Variants in EPHA5 observed in about 807,000 individuals in gnomAD.
The protein encoded by EPHA5 is ephrin type-A receptor 5.
A neutral mutation model predicts 105.0 loss-of-function variants in EPHA5; 60 were observed. The ratio of observed to expected loss-of-function variants is 0.57; its 90% CI spans 0.46 to 0.71. The LOEUF is 0.71. Among genes scored for constraint, EPHA5 ranks in the 30% least tolerant of loss-of-function variants. EPHA5 has a pLI of 0.00. For missense variants in EPHA5, 1,218 were observed against 1,274.7 expected (o/e 0.96, Z 0.68); for synonymous variants, 513 against 449.1 (o/e 1.14, Z -1.80).
intron 3 of EPHA5, among the ~76,000 whole-genome samples, chr4:65,591,648 T>C (rs1023675555): frequency 6.6e-6 from 1 of 151,964 alleles, no homozygotes; most frequent in African/African-American, 2.4e-5. Context: ...TCAGAAAAGA[T>C]GAAAAACTGT....
At chr4:65,362,695 T>G (rs1481001673) in intron 11 of EPHA5, among the ~76,000 whole-genome samples, 1 of 151,592 alleles carries the variant, frequency 6.6e-6, no homozygotes, top group Non-Finnish European at 1.5e-5. Flanking sequence ...TCCTAAAAAA[T>G]GCATATACAA....
chr4:65,331,545 A>T, intron 16 of EPHA5: 1 of 1,055,736 alleles, frequency 9.5e-7, no homozygotes, highest in East Asian at 5.3e-5. Context: ...TTACCTTGAT[A>T]TTCATCGTAG....
chr4:65,557,896 T>A (rs539743821), intron 3 of EPHA5, among the ~76,000 whole-genome samples: 1 of 152,004 alleles, frequency 6.6e-6, no homozygotes, highest in African/African-American at 2.4e-5. Context: ...TTTTTTTTTT[T>A]AGACGGAGTC....
intron 2 of EPHA5, among the ~76,000 whole-genome samples, chr4:65,614,064 GA>G (rs1745013967): frequency 6.6e-6 from 1 of 151,854 alleles, no homozygotes; most frequent in African/African-American, 2.4e-5. Flanking sequence ...CAGATTTAGT[GA>G]AGTTGAAACA....
chr4:65,444,263 A>G (rs1382683733), intron 5 of EPHA5, among the ~76,000 whole-genome samples: 1 of 152,202 alleles, frequency 6.6e-6, no homozygotes, highest in African/African-American at 2.4e-5. Flanking sequence ...AAATGAAGAT[A>G]ATATCTATCC....
chr4:65,428,705 A>C (rs1724688535), intron 5 of EPHA5, among the ~76,000 whole-genome samples: 1 of 152,112 alleles, frequency 6.6e-6, no homozygotes, highest in African/African-American at 2.4e-5. Flanking sequence ...TGAAAATCAC[A>C]AAATATTAAA....
At chr4:65,662,514 C>A (rs1268209426) in intron 1 of EPHA5, among the ~76,000 whole-genome samples, 1 of 152,000 alleles carries the variant, frequency 6.6e-6, no homozygotes, top group Non-Finnish European at 1.5e-5. Context: ...TGTGGGGTGT[C>A]CAACACAACA....
chr4:65,591,894 T>G (rs1742699797), intron 3 of EPHA5, among the ~76,000 whole-genome samples: 1 of 152,282 alleles, frequency 6.6e-6, no homozygotes, highest in South Asian at 2.1e-4. Flanking sequence ...TGAGTAAAAC[T>G]TAAATGAAAC....
At chr4:65,603,987 G>T (rs1488760253) in intron 2 of EPHA5, among the ~76,000 whole-genome samples, 1 of 38,320 alleles carries the variant, frequency 2.6e-5, no homozygotes, top group African/African-American at 7.5e-5. Flanking sequence ...AAATAAAATG[G>T]TAAGAATTAT....
chr4:65,417,977 A>C (rs1158010472), intron 6 of EPHA5, among the ~76,000 whole-genome samples: 1 of 152,176 alleles, frequency 6.6e-6, no homozygotes, highest in Non-Finnish European at 1.5e-5. Flanking sequence ...AAGGACAAAA[A>C]AGAAAGCCAG....
intron 3 of EPHA5, among the ~76,000 whole-genome samples, chr4:65,500,546 C>CA (rs11302474): frequency 0.055 from 7,765 of 141,568 alleles, 461 homozygotes; most frequent in African/African-American, 0.15. Context: ...TCAAAATTAC[C>CA]AAAAAAAAAA....
Position 65,404,360 on chromosome 4 carries a change from G to A in EPHA5, c.1793+14C>T, listed in dbSNP as rs765191223. 34 of 1,606,484 alleles carry A rather than the reference G, an allele frequency of 2.1e-5. No individual in the cohort carries two copies. The African/African-American group carries it at 3.6e-4, about 17-fold the overall frequency. ...TCAGCTGCAGAACTTCAGAATCACAGCTTCCTCTCTTACCTTCCACTGAGG... is the reference window on the plus strand; with the variant it reads ...TCAGCTGCAGAACTTCAGAATCACAACTTCCTCTCTTACCTTCCACTGAGG... On this transcript the variant is annotated intron_variant, in intron 8 of 16. Transcript: ENST00000613740.
Position 65,669,579 on chromosome 4 carries a change from GC to G in EPHA5, c.163del (p.Ala55ProfsTer7). On this transcript the variant is annotated frameshift_variant, in exon 1 of 17. Coordinates refer to ENST00000613740, the MANE Select transcript of EPHA5 (RefSeq NM_001281766.3). LOFTEE classifies it high-confidence loss of function. ...LLCAALRTLL[A>X]SPSNEVNLLD... ...CTCCCTACCTTCGTTGCTGGGGCTGGCCAGGAGGGTCCGGAGTGCGGCGCAC... is the reference window on the plus strand; with the variant it reads ...CTCCCTACCTTCGTTGCTGGGGCTGGCAGGAGGGTCCGGAGTGCGGCGCAC... 7.0e-7 allele frequency: 1 copy of G among 1,426,850 alleles called. No homozygotes were observed. Among genetic ancestry groups the G allele is most frequent in the South Asian group, 1.7e-5 (1 of 60,284 alleles). 88.4% of individuals were successfully genotyped at this position (1,426,850 alleles called of 1,614,324 possible).
Position 65,437,460 on chromosome 4 carries a change from A to G in EPHA5, c.1403-16895T>C, listed in dbSNP as rs146375930. Among the ~76,000 whole-genome samples the G allele has an allele frequency of 5.9e-5, 9 of 152,154 alleles. No homozygotes were observed. In the East Asian group the frequency reaches 1.7e-3, roughly 29 times the overall value. On this transcript the variant is annotated intron_variant, in intron 5 of 16. Coordinates refer to ENST00000613740, the MANE Select transcript of EPHA5 (RefSeq NM_001281766.3). ...ATATCAAATTTTAGAATACTTCACA[A>G]ATAGTAATAAAAGACTTTTCACTTT...
chr4:65,540,862 T>A, intron 3 of EPHA5, among the ~76,000 whole-genome samples: 1 of 90,104 alleles, frequency 1.1e-5, no homozygotes. Flanking sequence ...GCAGTCAATT[T>A]TATAAAAAAA....
At chr4:65,363,084 C>T (rs1316736600) in intron 11 of EPHA5, among the ~76,000 whole-genome samples, 1 of 151,452 alleles carries the variant, frequency 6.6e-6, no homozygotes, top group Non-Finnish European at 1.5e-5. Flanking sequence ...AAGTAGTGAA[C>T]ATGAGGGTGT....
rs181003480 is a variant in EPHA5, at chr4:65,336,387, C to T, written c.2596-262G>A. 2.8e-4 allele frequency among the ~76,000 whole-genome samples: 43 copies of T among 151,892 alleles called. No homozygotes were observed. The East Asian group carries it at 7.4e-3, about 26-fold the overall frequency. On this transcript the variant is annotated intron_variant, in intron 14 of 16. Transcript: ENST00000613740. ...AATGGTAATCATTTTTTCTTAAAAT[C>T]TTGGTGAAGGGTGATTTGTAAAATT...
At chr4:65,531,801 T>C (rs1365180196) in intron 3 of EPHA5, among the ~76,000 whole-genome samples, 1 of 151,852 alleles carries the variant, frequency 6.6e-6, no homozygotes, top group Admixed American at 6.7e-5. Context: ...ACCATATCAG[T>C]CTTGTGCTTA....
At chr4:65,651,627 CT>C (rs531259120) in intron 1 of EPHA5, among the ~76,000 whole-genome samples, 2 of 151,984 alleles carry the variant, frequency 1.3e-5, no homozygotes, top group South Asian at 2.1e-4. Flanking sequence ...TAATGAGTGC[CT>C]TTTTTATTTC....
Sources: gnomAD v4.1 joint callset for allele counts (sites outside exome capture counted in the v4.1 genomes callset) on GRCh38, gnomAD v4.1.1 for gene constraint, MANE v1.5 for transcripts, NCBI Gene and HGNC (gene_info 2026-07-23, HGNC 2026-07-21) for gene names.